RMI1: variants seen among roughly 807,000 people sequenced by gnomAD.
RMI1 encodes recQ-mediated genome instability protein 1.
In RMI1, 36 loss-of-function variants were observed where a neutral mutation model predicts 46.7. That is an observed-to-expected ratio of 0.77 (90% confidence interval 0.59 to 1.02). The LOEUF (loss-of-function observed/expected upper bound fraction) is 1.02. Ranked by LOEUF, RMI1 falls within the 50% of genes least tolerant of loss-of-function variation. The pLI is 0.00. For synonymous variants in RMI1, 250 were observed against 252.9 expected (o/e 0.99, Z 0.11); for missense variants, 676 against 713.7 (o/e 0.95, Z 0.60).
In RMI1 at chr9:84,002,534, C is replaced by G. The variant is rs763408785; in HGVS notation, c.1548C>G (p.Thr516=). 25 of 1,613,820 alleles carry G rather than the reference C, an allele frequency of 1.5e-5. No individual in the cohort carries two copies. Among genetic ancestry groups the G allele is most frequent in the Non-Finnish European group, 1.9e-5 (23 of 1,179,920 alleles). The change falls in exon 3 of 3, where the codon ACC becomes ACG. Residue 516 remains threonine, a synonymous_variant. Transcript: ENST00000445877. ...TGAAAGTGAAAGCATTTATTGTAAC[C>G]TTAACTGGAAATCTCTCAAGTTCTG... is the stretch of plus-strand genomic sequence containing the variant. ...TTVKVKAFIV[T]LTGNLSSSGG...
chr9:84,001,334 T>TA lies in RMI1; in HGVS notation c.349dup (p.Thr117AsnfsTer3). 6.2e-7 allele frequency: 1 copy of TA among 1,614,152 alleles called. No individual in the cohort carries two copies. The highest frequency in any genetic ancestry group is 8.5e-7 in the Non-Finnish European group (1 of 1,179,984). Reference sequence around the variant, plus strand: ...GAAAGAATACAACAAATGATCTAGTTACAGCTGAAGCACAAGTAACCCCAA... The same window carrying TA: ...GAAAGAATACAACAAATGATCTAGTTAACAGCTGAAGCACAAGTAACCCCAA... On this transcript the variant is annotated frameshift_variant, in exon 3 of 3. Coordinates refer to ENST00000445877, the MANE Select transcript of RMI1 (RefSeq NM_001358291.2). LOFTEE classifies it high-confidence loss of function.
chr9:83,997,882 G>A (rs1283322039), intron 1 of RMI1, among the ~76,000 whole-genome samples: 1 of 150,642 alleles, frequency 6.6e-6, no homozygotes, highest in African/African-American at 2.4e-5. Flanking sequence ...TGGTAGCTTC[G>A]ACCTCTGGGC....
At position 84,002,398 on chromosome 9, in the gene RMI1, TAAGATCATCAGAGA is replaced by T. The variant is rs1219564883; in HGVS notation, c.1414_1427del (p.Arg472Ter). 2.5e-6 allele frequency: 4 copies of T among 1,612,812 alleles called. No individual in the cohort carries two copies. The highest frequency in any genetic ancestry group is 1.7e-5 in the Admixed American group (1 of 59,892). ...GATTGTAATTTACAGAGTTGTTCTT[TAAGATCATCAGAGA>T]ATAGCATTAATCTTTCTATTGCCAT... is the stretch of plus-strand genomic sequence containing the variant. On this transcript the variant is annotated frameshift_variant, in exon 3 of 3. Transcript: ENST00000445877. LOFTEE classifies it high-confidence loss of function.
rs149965565 is a variant in RMI1 at position 83,996,689 on chromosome 9, G to C, written c.-125-3020G>C. 1.1e-4 allele frequency among the ~76,000 whole-genome samples: 16 copies of C among 152,204 alleles called. No individual in the cohort carries two copies. In the East Asian group the frequency reaches 3.1e-3, roughly 29 times the overall value. On this transcript the variant is annotated intron_variant, in intron 1 of 2. Coordinates refer to ENST00000445877, the MANE Select transcript of RMI1 (RefSeq NM_001358291.2). ...TAGATTAGTTCGTTCTTGTTCTGCT[G>C]TAAAGAAATACCTGAGACTGGGTAA...
Position 84,003,010 on chromosome 9 carries a change from G to A in RMI1, c.*146G>A. ...GTTTAATTTTAAAGTGTTTAATCAT[G>A]TTTGTTATATGTGGAGCTTTTGAAA... On this transcript the variant is annotated 3_prime_UTR_variant, in exon 3 of 3. Coordinates refer to ENST00000445877, the MANE Select transcript of RMI1 (RefSeq NM_001358291.2). 1 of 488,616 alleles carries A rather than the reference G, an allele frequency of 2.0e-6. No individual in the cohort carries two copies. Among genetic ancestry groups the A allele is most frequent in the Non-Finnish European group, 3.6e-6 (1 of 276,800 alleles). The allele number at this position is 488,616 out of a possible 1,614,324, so 30.3% of individuals were successfully genotyped here.
intron 1 of RMI1, among the ~76,000 whole-genome samples, chr9:83,998,497 A>G (rs1957691904): frequency 6.6e-6 from 1 of 152,224 alleles, no homozygotes; most frequent in Non-Finnish European, 1.5e-5. Flanking sequence ...GGACAGAAGT[A>G]CAGAACAAAA....
Position 83,999,794 on chromosome 9 carries a change from C to T in RMI1, c.-40C>T, listed in dbSNP as rs929971230. 2.6e-5 allele frequency: 4 copies of T among 152,166 alleles called. No homozygotes were observed. Among genetic ancestry groups the T allele is most frequent in the East Asian group, 1.9e-4 (1 of 5,196 alleles). 9.4% of individuals were successfully genotyped at this position (152,166 alleles called of 1,614,324 possible). A position where few individuals can be genotyped will look rare whatever the true frequency, so the allele number is the denominator to read the frequency against. On this transcript the variant is annotated 5_prime_UTR_variant, in exon 2 of 3. Coordinates refer to ENST00000445877, the MANE Select transcript of RMI1 (RefSeq NM_001358291.2). ...CATCAAATCCTGTGCTGCTGTTCCTCGTGGTAAGTTTTCTTATGGACATAG... is the reference window on the plus strand; with the variant it reads ...CATCAAATCCTGTGCTGCTGTTCCTTGTGGTAAGTTTTCTTATGGACATAG...
chr9:83,986,474 A>G (rs1588459349), intron 1 of RMI1, among the ~76,000 whole-genome samples: 3 of 152,154 alleles, frequency 2.0e-5, no homozygotes, highest in African/African-American at 7.2e-5. Context: ...AAAAGAATGG[A>G]GATTAGCAGA....
intron 2 of RMI1, 143 bp from the exon 3 acceptor site, chr9:84,000,808 T>A: frequency 2.0e-6 from 1 of 510,678 alleles, no homozygotes; most frequent in South Asian, 3.5e-5. Context: ...CATCTGATTA[T>A]GTGTAGTGTT....
chr9:84,003,044 ATCTTT>A lies in RMI1; in HGVS notation c.*182_*186del. Reference sequence around the variant, plus strand: ...ATGTGGAGCTTTTGAAAATAAGTTAATCTTTTTTTTTTTTTTTTTAATGTCAGGGT... The same window carrying A: ...ATGTGGAGCTTTTGAAAATAAGTTAATTTTTTTTTTTTTTAATGTCAGGGT... On this transcript the variant is annotated 3_prime_UTR_variant, in exon 3 of 3. Transcript: ENST00000445877. 1 of 405,496 alleles carries A rather than the reference ATCTTT, an allele frequency of 2.5e-6. No individual in the cohort carries two copies. Among genetic ancestry groups the A allele is most frequent in the Non-Finnish European group, 4.2e-6 (1 of 238,898 alleles). The allele number at this position is 405,496 out of a possible 1,614,324, so 25.1% of individuals were successfully genotyped here.
At chr9:83,983,255 A>G (rs534528808) in intron 1 of RMI1, among the ~76,000 whole-genome samples, 43 of 152,242 alleles carry the variant, frequency 2.8e-4, no homozygotes, top group Non-Finnish European at 6.2e-4. Flanking sequence ...AAGAGAAGCT[A>G]AGGAACATAT....
At chr9:83,995,753 C>T (rs1161674047) in intron 1 of RMI1, among the ~76,000 whole-genome samples, 2 of 152,124 alleles carry the variant, frequency 1.3e-5, no homozygotes, top group Non-Finnish European at 2.9e-5. Flanking sequence ...TTTCTTTATA[C>T]CGTGTTCTAG....
intron 1 of RMI1, among the ~76,000 whole-genome samples, chr9:83,982,695 A>C (rs1336566786): frequency 2.6e-5 from 4 of 151,950 alleles, no homozygotes; most frequent in African/African-American, 9.7e-5. Context: ...CAAAAAAAAA[A>C]ACCTCTTCCT....
At chr9:83,985,308 T>A (rs1957473543) in intron 1 of RMI1, among the ~76,000 whole-genome samples, 1 of 152,248 alleles carries the variant, frequency 6.6e-6, no homozygotes, top group Non-Finnish European at 1.5e-5. Context: ...AGATCAATCC[T>A]ACTTTCTACT....
chr9:83,987,540 A>G (rs1957510097), intron 1 of RMI1, among the ~76,000 whole-genome samples: 1 of 152,156 alleles, frequency 6.6e-6, no homozygotes, highest in South Asian at 2.1e-4. Context: ...TTTTTGGAGT[A>G]TAGTTCTGAG....
chr9:83,987,649 A>AG (rs1248034464), intron 1 of RMI1, among the ~76,000 whole-genome samples: 1 of 152,146 alleles, frequency 6.6e-6, no homozygotes, highest in Non-Finnish European at 1.5e-5. Flanking sequence ...TGCCCCTTGT[A>AG]GTCAACCTCT....
rs1957524814 is a variant in RMI1, at chr9:83,988,503, T to C, written c.-126+7612T>C. ...ATTTTTGGTAGAGACAGAGTTTTGC[T>C]GTGTTGCTCAGGCAGGTATTGAACT... is the stretch of plus-strand genomic sequence containing the variant. On this transcript the variant is annotated intron_variant, in intron 1 of 2. Coordinates refer to ENST00000445877, the MANE Select transcript of RMI1 (RefSeq NM_001358291.2). Among the ~76,000 whole-genome samples the C allele has an allele frequency of 2.0e-5, 3 of 152,198 alleles. No homozygotes were observed. The South Asian group carries it at 6.2e-4, about 32-fold the overall frequency.
At position 84,001,903 on chromosome 9, in the gene RMI1, T is replaced by C. The variant is rs371202848; in HGVS notation, c.917T>C (p.Val306Ala). 16 of 1,614,008 alleles carry C rather than the reference T, an allele frequency of 9.9e-6. No homozygotes were observed. The East Asian group carries it at 3.6e-4, about 36-fold the overall frequency. The change falls in exon 3 of 3, where the codon GTA becomes GCA. Residue 306 changes from valine to alanine, a missense_variant. Physicochemically the swap from Val to Ala is moderately conservative, Grantham distance 64. Transcript: ENST00000445877. ...GAACCATCAAACCTATCTATACATGTAATGGATGGAGAATTAGATGACTTT... is the reference window on the plus strand; with the variant it reads ...GAACCATCAAACCTATCTATACATGCAATGGATGGAGAATTAGATGACTTT... Reference protein sequence around the residue: ...KEEPSNLSIHVMDGELDDFSL... With the variant: ...KEEPSNLSIHAMDGELDDFSL...
chr9:83,989,700 C>A (rs568151861), intron 1 of RMI1, among the ~76,000 whole-genome samples: 49 of 150,968 alleles, frequency 3.2e-4, no homozygotes, highest in African/African-American at 1.1e-3. Context: ...AAAAAAGATT[C>A]TTGTGAGGAT....
Sources: gnomAD v4.1 joint callset for allele counts (sites outside exome capture counted in the v4.1 genomes callset) on GRCh38, gnomAD v4.1.1 for gene constraint, MANE v1.5 for transcripts, NCBI Gene and HGNC (gene_info 2026-07-23, HGNC 2026-07-21) for gene names.